EDRF1: variants seen among roughly 807,000 people sequenced by gnomAD.
EDRF1 encodes erythroid differentiation-related factor 1.
EDRF1 carries 69 observed loss-of-function variants against 148.7 expected under a neutral mutation model. The ratio of observed to expected loss-of-function variants is 0.46; its 90% confidence interval spans 0.38 to 0.57. EDRF1 has a LOEUF of 0.57. Ranked by LOEUF, EDRF1 falls within the 20% of genes least tolerant of loss-of-function variation. The pLI is 0.00. For missense variants in EDRF1, 1,118 were observed against 1,478.7 expected, an observed-to-expected ratio of 0.76 and a Z score of 4.00; for synonymous variants, 515 against 532.8, an observed-to-expected ratio of 0.97 and a Z score of 0.46.
At chr10:125,738,121 G>C in intron 14 of EDRF1, 132 bp downstream of exon 14, 1 of 1,340,656 alleles carries the variant, frequency 7.5e-7, no homozygotes, top group Non-Finnish European at 1.1e-6. Flanking sequence ...TAAGCATAAA[G>C]TGAAAATCAG....
intron 18 of EDRF1, among the ~76,000 whole-genome samples, chr10:125,744,023 T>C (rs1330339303): frequency 2.6e-5 from 4 of 152,122 alleles, no homozygotes; most frequent in African/African-American, 9.7e-5. Context: ...TGTAGTCAAT[T>C]TGAAGTGTGC....
chr10:125,722,971 T>C, intron 2 of EDRF1, 97 bp from the exon 3 acceptor site: 3 of 1,008,530 alleles, frequency 3.0e-6, no homozygotes, highest in Non-Finnish European at 4.8e-6. Flanking sequence ...GGAAAATGTG[T>C]ATCCTAGAAG....
At position 125,747,660 on chromosome 10, in the gene EDRF1, A is replaced by T. The variant is rs1564748229; in HGVS notation, c.2939A>T (p.Asp980Val). The T allele has an allele frequency of 6.2e-7, 1 of 1,614,198 alleles. No homozygotes were observed. The highest frequency in any genetic ancestry group is 1.7e-5 in the Admixed American group (1 of 60,018). ...TYFTMATLQQ[D>V]YAPLSRKAQE... ...TTTACTATGGCAACTCTACAGCAAGATTATGCTCCGTTATCTAGAAAAGCT... is the reference window on the plus strand; with the variant it reads ...TTTACTATGGCAACTCTACAGCAAGTTTATGCTCCGTTATCTAGAAAAGCT... The change falls in exon 20 of 25, where the codon GAT (aspartate) becomes GTT (valine). Residue 980 changes from aspartate (D) to valine (V), a missense_variant. Coordinates refer to ENST00000356792, the MANE Select transcript of EDRF1 (RefSeq NM_001202438.2).
chr10:125,729,503 T>C (rs1848405362), intron 8 of EDRF1, 24 bp downstream of exon 8: 2 of 1,613,880 alleles, frequency 1.2e-6, no homozygotes, highest in African/African-American at 2.7e-5. Context: ...ATACCCCTCC[T>C]CAAGCTTATG....
rs779630568 is a variant in EDRF1, at chr10:125,753,774, A to G, written c.3474A>G (p.Ile1158Met). 43 of 1,614,006 alleles carry G rather than the reference A, an allele frequency of 2.7e-5. No homozygotes were observed. The South Asian group carries it at 4.4e-4, about 16-fold the overall frequency. ...NREEVMKLLSIFESRLSFLLL... is the reference protein window; with the variant it reads ...NREEVMKLLSMFESRLSFLLL... ...AAGAAGTGATGAAACTCCTCAGTATATTTGAGTCTCGGTTGTCATTTCTTC... is the reference window on the plus strand; with the variant it reads ...AAGAAGTGATGAAACTCCTCAGTATGTTTGAGTCTCGGTTGTCATTTCTTC... The change falls in exon 24 of 25, where the codon ATA becomes ATG. Residue 1158 changes from isoleucine to methionine, a missense_variant. Ile to Met is a conservative substitution (Grantham distance 10, BLOSUM62 1). Transcript: ENST00000356792.
intron 24 of EDRF1, 22 bp downstream of exon 24, chr10:125,753,867 A>G: frequency 6.2e-7 from 1 of 1,611,278 alleles, no homozygotes. Flanking sequence ...GGTTATTTGT[A>G]GGAATTTCTT....
intron 9 of EDRF1, among the ~76,000 whole-genome samples, chr10:125,731,479 A>G (rs2133690781): frequency 6.6e-6 from 1 of 152,364 alleles, no homozygotes; most frequent in Non-Finnish European, 1.5e-5. Context: ...AAATCCAGCT[A>G]GGGAACACAG....
intron 8 of EDRF1, 114 bp downstream of exon 8, chr10:125,729,593 G>A (rs1279657182): frequency 7.4e-7 from 1 of 1,348,542 alleles, no homozygotes. Flanking sequence ...CCGCACTCCA[G>A]CCTAGGCGAA....
chr10:125,736,394 G>A (rs530592106), intron 13 of EDRF1, among the ~76,000 whole-genome samples: 98 of 152,192 alleles, frequency 6.4e-4, no homozygotes, highest in African/African-American at 2.3e-3. Context: ...CTCTGCCCTG[G>A]AGAGGGCCAG....
intron 4 of EDRF1, 131 bp from the exon 5 acceptor site, chr10:125,725,185 GAT>G: frequency 9.1e-7 from 1 of 1,093,262 alleles, no homozygotes; most frequent in Non-Finnish European, 1.3e-6. Context: ...GACCCAGAAA[GAT>G]ATGTTTTTAA....
chr10:125,723,698 C>A, intron 3 of EDRF1, 113 bp from the exon 4 acceptor site: 5 of 1,154,946 alleles, frequency 4.3e-6, no homozygotes, highest in Non-Finnish European at 6.3e-6. Context: ...ATTTGTATAA[C>A]CTTAAGGAAA....
intron 18 of EDRF1, chr10:125,745,215 C>A: frequency 5.5e-6 from 1 of 181,036 alleles, no homozygotes; most frequent in South Asian, 1.2e-4. Flanking sequence ...GACTAGGTGA[C>A]ATAATGAGAA....
intron 24 of EDRF1, among the ~76,000 whole-genome samples, chr10:125,757,311 A>G (rs1189916660): frequency 6.6e-6 from 1 of 152,216 alleles, no homozygotes; most frequent in Non-Finnish European, 1.5e-5. Flanking sequence ...ATCTTTCATG[A>G]GAGGCCACCT....
At chr10:125,746,833 G>A (rs1164641529) in intron 19 of EDRF1, 1 of 152,232 alleles carries the variant, frequency 6.6e-6, no homozygotes, top group African/African-American at 2.4e-5. Flanking sequence ...TCAAAATTGA[G>A]TTTTATTTAT....
chr10:125,756,553 T>C (rs80354925), intron 24 of EDRF1, among the ~76,000 whole-genome samples: 2,170 of 152,348 alleles, frequency 0.014, 50 homozygotes, highest in East Asian at 0.09. Flanking sequence ...GCTACGCTTA[T>C]GGATTTATCT....
At chr10:125,720,018 C>G in intron 1 of EDRF1, 103 bp downstream of exon 1, 1 of 1,055,330 alleles carries the variant, frequency 9.5e-7, no homozygotes, top group South Asian at 1.5e-5. Context: ...GAGGCTTCTC[C>G]ATGTTTCCCT....
Position 125,725,736 on chromosome 10 carries a change from A to G in EDRF1, c.690A>G (p.Glu230=). 1 of 1,614,156 alleles carries G rather than the reference A, an allele frequency of 6.2e-7. No homozygotes were observed. The highest frequency in any genetic ancestry group is 8.5e-7 in the Non-Finnish European group (1 of 1,180,016). ...TCTCATCCACCGCAGAACAGCAGGA[A>G]TCGTCCAGTTCAGATCAGACAAATG... ...QPVSSTAEQQ[E]SSSSDQTNDS... Residue 230 remains glutamate, a synonymous_variant, in exon 6 of 25, where the codon GAA becomes GAG. Coordinates refer to ENST00000356792, the MANE Select transcript of EDRF1 (RefSeq NM_001202438.2).
chr10:125,740,828 C>G (rs1848981183), intron 16 of EDRF1, among the ~76,000 whole-genome samples, 173 bp from the exon 17 acceptor site: 1 of 152,144 alleles, frequency 6.6e-6, no homozygotes, highest in Non-Finnish European at 1.5e-5. Context: ...GGTTTAACAT[C>G]TCTTTGCTTT....
At position 125,763,232 on chromosome 10, in the gene EDRF1, T is replaced by C. The variant is rs920308265; in HGVS notation, c.3546-69T>C. The C allele has an allele frequency of 7.3e-5, 109 of 1,497,592 alleles. No individual in the cohort carries two copies. The highest frequency in any genetic ancestry group is 9.7e-5 in the Non-Finnish European group (105 of 1,086,076). 92.8% of individuals were successfully genotyped at this position (1,497,592 alleles called of 1,614,324 possible). A position where few individuals can be genotyped will look rare whatever the true frequency, so the allele number is the denominator to read the frequency against. ...CTGTTGGGCTGTCACTGTCCGGTTTTCTGGACCTCTGAATTGTCGGTAGGC... is the reference window on the plus strand; with the variant it reads ...CTGTTGGGCTGTCACTGTCCGGTTTCCTGGACCTCTGAATTGTCGGTAGGC... On this transcript the variant is annotated intron_variant, in intron 24 of 24. Coordinates refer to ENST00000356792, the MANE Select transcript of EDRF1 (RefSeq NM_001202438.2). The surrounding 1 kb of genome is among the most constrained non-coding windows in gnomAD (Gnocchi z 4.3).
Sources: allele counts gnomAD v4.1 joint callset (sites outside exome capture counted in the v4.1 genomes callset), GRCh38; gene constraint gnomAD v4.1.1; non-coding constraint Gnocchi (gnomAD v3.1); transcripts MANE v1.5; gene names NCBI Gene and HGNC (gene_info 2026-07-23, HGNC 2026-07-21).